Variants in EFCAB11 observed in about 807,000 individuals in gnomAD.
EFCAB11 encodes the protein EF-hand calcium binding domain 11, also known as EF-hand calcium-binding domain-containing protein 11.
Under a neutral mutation model 23.0 loss-of-function variants are expected in EFCAB11, and 14 were observed. The observed-to-expected ratio is 0.61, with a 90% CI of 0.40 to 0.95. The LOEUF is 0.95. EFCAB11 is among the 40% of genes least tolerant of loss of function. EFCAB11 has a pLI of 0.00. For missense variants in EFCAB11, 198 were observed against 195.8 expected (o/e 1.01, Z -0.07); for synonymous variants, 65 against 66.6 (o/e 0.98, Z 0.11).
intron 5 of EFCAB11, among the ~76,000 whole-genome samples, chr14:89,885,773 AAGAAAG>A (rs1273161330): frequency 1.3e-5 from 2 of 150,940 alleles, no homozygotes; most frequent in Non-Finnish European, 2.9e-5. Context: ...GAAAGAAAGA[AAGAAAG>A]AGAGAAAGAA....
chr14:89,954,455 C>A (rs914999347), intron 1 of EFCAB11, 131 bp downstream of exon 1: 1 of 1,538,144 alleles, frequency 6.5e-7, no homozygotes, highest in Non-Finnish European at 8.7e-7. Flanking sequence ...CAGTCATTAA[C>A]CACGACCCTT....
intron 5 of EFCAB11, among the ~76,000 whole-genome samples, chr14:89,872,449 C>T (rs754206096): frequency 6.6e-6 from 1 of 151,818 alleles, no homozygotes; most frequent in Non-Finnish European, 1.5e-5. Context: ...CTCCACTGAC[C>T]CAAGGCTTTA....
At chr14:89,953,399 C>T (rs1202369902) in intron 2 of EFCAB11, among the ~76,000 whole-genome samples, 1 of 152,190 alleles carries the variant, frequency 6.6e-6, no homozygotes, top group African/African-American at 2.4e-5. Context: ...ATATGTATGT[C>T]ATGGATAGAA....
At chr14:89,797,496 G>A (rs1885615011) in intron 5 of EFCAB11, among the ~76,000 whole-genome samples, 172 bp from the exon 6 acceptor site, 1 of 151,812 alleles carries the variant, frequency 6.6e-6, no homozygotes, top group Non-Finnish European at 1.5e-5. Context: ...AGGTTTGCAG[G>A]AAAGAAAGGG....
chr14:89,874,317 T>C (rs1361747198), intron 5 of EFCAB11, among the ~76,000 whole-genome samples: 2 of 152,034 alleles, frequency 1.3e-5, no homozygotes, highest in Non-Finnish European at 2.9e-5. Context: ...CAAAACCATT[T>C]TTTCCTCCTA....
intron 5 of EFCAB11, among the ~76,000 whole-genome samples, chr14:89,865,248 G>C (rs1245976214): frequency 6.6e-6 from 1 of 152,210 alleles, no homozygotes. Flanking sequence ...TGTTGTGAGA[G>C]TCAACGAATT....
At chr14:89,825,213 G>C (rs1886650702) in intron 5 of EFCAB11, among the ~76,000 whole-genome samples, 1 of 150,910 alleles carries the variant, frequency 6.6e-6, no homozygotes. Flanking sequence ...TCAAATATTT[G>C]GAAATTAAAC....
rs1419787370 is a variant in EFCAB11 at position 89,950,011 on chromosome 14, T to C, written c.217+86A>G. Reference sequence around the variant, plus strand: ...GGTCCCTTCCACAACACATAGGAATTTGAGATGAGACTGATGTAGGGACAC... The same window carrying C: ...GGTCCCTTCCACAACACATAGGAATCTGAGATGAGACTGATGTAGGGACAC... On this transcript the variant is annotated intron_variant, in intron 3 of 5. Transcript: ENST00000316738. The C allele has an allele frequency of 2.9e-6, 4 of 1,369,384 alleles. No individual in the cohort carries two copies. In the African/African-American group the frequency reaches 5.9e-5, roughly 20 times the overall value. 84.8% of individuals were successfully genotyped at this position (1,369,384 alleles called of 1,614,324 possible).
chr14:89,814,534 GT>G (rs1020612263), intron 5 of EFCAB11, among the ~76,000 whole-genome samples: 3 of 152,026 alleles, frequency 2.0e-5, no homozygotes, highest in African/African-American at 7.2e-5. Flanking sequence ...GAGAAATGCC[GT>G]CTCTACTAAA....
intron 5 of EFCAB11, among the ~76,000 whole-genome samples, chr14:89,832,880 G>A (rs1863596209): frequency 1.3e-5 from 2 of 152,100 alleles, no homozygotes; most frequent in Admixed American, 1.3e-4. Flanking sequence ...CATCCTAAAA[G>A]TCACGGACCA....
intron 5 of EFCAB11, among the ~76,000 whole-genome samples, chr14:89,919,514 AAGG>A (rs1020017909): frequency 7.9e-5 from 12 of 152,280 alleles, no homozygotes; most frequent in African/African-American, 2.9e-4. Context: ...CACTGGGAGA[AAGG>A]AGGAGGGTCG....
chr14:89,954,271 T>C (rs778653515), intron 1 of EFCAB11: 18 of 1,395,598 alleles, frequency 1.3e-5, no homozygotes, highest in Middle Eastern at 1.7e-4. Flanking sequence ...AGATAAATTC[T>C]ACCCAAAATT....
At chr14:89,894,026 C>T (rs1476885980) in intron 5 of EFCAB11, among the ~76,000 whole-genome samples, 1 of 151,986 alleles carries the variant, frequency 6.6e-6, no homozygotes, top group Non-Finnish European at 1.5e-5. Context: ...GTCGCCCAGG[C>T]TGGAGTGCAG....
intron 5 of EFCAB11, among the ~76,000 whole-genome samples, chr14:89,892,627 C>A (rs1889010440): frequency 6.6e-6 from 1 of 152,160 alleles, no homozygotes; most frequent in Non-Finnish European, 1.5e-5. Context: ...GATGGCCAGG[C>A]ATGGTGGCTC....
chr14:89,897,289 C>T (rs1889199257), intron 5 of EFCAB11, among the ~76,000 whole-genome samples: 1 of 149,382 alleles, frequency 6.7e-6, no homozygotes, highest in South Asian at 2.1e-4. Context: ...CTCACTGCAA[C>T]CTCCGCCTCC....
At position 89,815,466 on chromosome 14, in the gene EFCAB11, G is replaced by A. The variant is rs561487644; in HGVS notation, c.411-18142C>T. ...TTCCAAGACGGAATCTTGTTCTGTC[G>A]CCCAGGCTGGAGTGCAGTGGTGTGA... On this transcript the variant is annotated intron_variant, in intron 5 of 5. Transcript: ENST00000316738. Among the ~76,000 whole-genome samples, 28 of 151,158 alleles carry A rather than the reference G, an allele frequency of 1.9e-4. No homozygotes were observed. In the South Asian group the frequency reaches 5.9e-3, roughly 32 times the overall value.
At chr14:89,845,971 T>A (rs1186974866) in intron 5 of EFCAB11, among the ~76,000 whole-genome samples, 1 of 152,184 alleles carries the variant, frequency 6.6e-6, no homozygotes, top group Admixed American at 6.5e-5. Context: ...AAGTTCTAGA[T>A]GCAAATTGCC....
intron 5 of EFCAB11, among the ~76,000 whole-genome samples, chr14:89,857,953 A>G (rs1442642548): frequency 6.6e-6 from 1 of 152,246 alleles, no homozygotes; most frequent in East Asian, 1.9e-4. Flanking sequence ...CTCATGGAGA[A>G]GAAACTACAT....
At chr14:89,860,055 C>T (rs530054322) in intron 5 of EFCAB11, among the ~76,000 whole-genome samples, 19 of 152,198 alleles carry the variant, frequency 1.2e-4, no homozygotes, top group African/African-American at 4.6e-4. Flanking sequence ...TTTATTGGCT[C>T]CTTTTAGGAC....
Sources: allele counts gnomAD v4.1 joint callset (sites outside exome capture counted in the v4.1 genomes callset), GRCh38; gene constraint gnomAD v4.1.1; transcripts MANE v1.5; gene names NCBI Gene and HGNC (gene_info 2026-07-23, HGNC 2026-07-21).